The following CNTNAP2 variants were observed in gnomAD, a reference collection of about 807,000 sequenced individuals.
CNTNAP2 encodes the protein contactin-associated protein-like 2.
Under a neutral mutation model 155.2 loss-of-function variants are expected in CNTNAP2, and 98 were observed. The observed-to-expected ratio is 0.63, with a 90% CI of 0.54 to 0.75. CNTNAP2 has a LOEUF of 0.75. Among genes scored for constraint, CNTNAP2 ranks in the 30% least tolerant of loss-of-function variants. The pLI, the probability that CNTNAP2 is intolerant of heterozygous loss-of-function variation, is 0.00. For synonymous variants in CNTNAP2, 651 were observed against 631.2 expected (o/e 1.03, Z -0.47); for missense variants, 1,727 against 1,688.1 (o/e 1.02, Z -0.40).
chr7:146,517,715 T>A (rs1162515621), intron 1 of CNTNAP2, among the ~76,000 whole-genome samples: 2 of 151,838 alleles, frequency 1.3e-5, no homozygotes, highest in African/African-American at 4.8e-5. Context: ...TGGGCATTAA[T>A]GGAAGCAGAG....
intron 1 of CNTNAP2, among the ~76,000 whole-genome samples, chr7:146,133,305 C>G (rs1251508349): frequency 0.022 from 3,321 of 151,360 alleles, 107 homozygotes; most frequent in African/African-American, 0.074. Context: ...TGTAGATTCT[C>G]GATATTAGCC....
intron 12 of CNTNAP2, among the ~76,000 whole-genome samples, chr7:147,603,185 G>C (rs1336894010): frequency 6.6e-6 from 1 of 151,676 alleles, no homozygotes; most frequent in Non-Finnish European, 1.5e-5. Flanking sequence ...ATTCTAACTG[G>C]TGTGAGATGG....
intron 11 of CNTNAP2, among the ~76,000 whole-genome samples, chr7:147,508,136 G>A (rs757741): frequency 0.086 from 13,068 of 152,042 alleles, 960 homozygotes; most frequent in African/African-American, 0.2. Context: ...TAAATGTCCT[G>A]GTGGACAGTG....
Position 148,267,087 on chromosome 7 carries a change from T to C in CNTNAP2, c.3436T>C (p.Phe1146Leu), listed in dbSNP as rs372173607. The C allele has an allele frequency of 3.1e-6, 5 of 1,614,084 alleles. No homozygotes were observed. The African/African-American group carries it at 6.7e-5, about 22-fold the overall frequency. The change falls in exon 21 of 24, where the codon TTC (phenylalanine) becomes CTC (leucine). Residue 1146 changes from phenylalanine (F) to leucine (L), a missense_variant. Phe to Leu is a conservative substitution (Grantham distance 22). Coordinates refer to ENST00000361727, the MANE Select transcript of CNTNAP2 (RefSeq NM_014141.6). ...TCTGCCAAGTTCATCCGACACCCTC[T>C]TCAATTCTCCCAAGTCGCTCTTTCT... ...YHLPSSSDTL[F>L]NSPKSLFLGK...
chr7:146,895,477 G>A (rs947643626), intron 3 of CNTNAP2, among the ~76,000 whole-genome samples: 3 of 152,060 alleles, frequency 2.0e-5, no homozygotes, highest in African/African-American at 4.8e-5. Context: ...CTATATGTGT[G>A]TGAGTACAAT....
At chr7:148,158,815 A>T (rs1805456583) in intron 17 of CNTNAP2, among the ~76,000 whole-genome samples, 1 of 152,238 alleles carries the variant, frequency 6.6e-6, no homozygotes, top group African/African-American at 2.4e-5. Flanking sequence ...CAATATGGAA[A>T]AATGTTTTTC....
At chr7:146,350,930 CA>C (rs1262073311) in intron 1 of CNTNAP2, among the ~76,000 whole-genome samples, 1 of 148,616 alleles carries the variant, frequency 6.7e-6, no homozygotes, top group African/African-American at 2.5e-5. Flanking sequence ...ATCGCAAGGA[CA>C]AAAAACCAAA....
chr7:148,161,859 C>T (rs930374915), intron 17 of CNTNAP2, among the ~76,000 whole-genome samples: 5 of 152,214 alleles, frequency 3.3e-5, no homozygotes, highest in African/African-American at 1.2e-4. Flanking sequence ...GCCTCTCTGC[C>T]AACTCGCCTC....
chr7:147,306,239 A>T (rs1032634052), intron 9 of CNTNAP2, among the ~76,000 whole-genome samples: 1 of 152,192 alleles, frequency 6.6e-6, no homozygotes, highest in Admixed American at 6.5e-5. Flanking sequence ...AAGGAGATTC[A>T]TACTTCTAAT....
intron 3 of CNTNAP2, among the ~76,000 whole-genome samples, chr7:146,872,847 T>C (rs1795341629): frequency 6.6e-6 from 1 of 152,226 alleles, no homozygotes; most frequent in Non-Finnish European, 1.5e-5. Context: ...AATGGTTCAG[T>C]GTTATCTGTT....
intron 1 of CNTNAP2, among the ~76,000 whole-genome samples, chr7:146,751,277 T>G (rs917844900): frequency 3.0e-5 from 4 of 135,058 alleles, no homozygotes; most frequent in Non-Finnish European, 6.9e-5. Context: ...ACAAATTTAA[T>G]TAAAGTATTT....
chr7:147,821,933 G>A (rs565773187), intron 13 of CNTNAP2, among the ~76,000 whole-genome samples: 14 of 152,160 alleles, frequency 9.2e-5, no homozygotes, highest in African/African-American at 3.4e-4. Flanking sequence ...TTTATTGGGG[G>A]AAAAATAACA....
intron 1 of CNTNAP2, among the ~76,000 whole-genome samples, chr7:146,478,683 C>A (rs1329658752): frequency 6.6e-6 from 1 of 151,940 alleles, no homozygotes; most frequent in Non-Finnish European, 1.5e-5. Context: ...CCTCTACACA[C>A]ATGTACACAC....
intron 11 of CNTNAP2, among the ~76,000 whole-genome samples, chr7:147,499,046 A>G (rs1467234160): frequency 6.6e-6 from 1 of 152,144 alleles, no homozygotes; most frequent in Non-Finnish European, 1.5e-5. Flanking sequence ...CTGTGTTTTC[A>G]TTGTACTTTT....
chr7:146,259,440 C>A (rs2129081265), intron 1 of CNTNAP2, among the ~76,000 whole-genome samples: 1 of 152,206 alleles, frequency 6.6e-6, no homozygotes, highest in Non-Finnish European at 1.5e-5. Context: ...ATGGTGTTGA[C>A]CAAAATGCTA....
At chr7:147,404,139 A>G (rs1796963835) in intron 10 of CNTNAP2, among the ~76,000 whole-genome samples, 1 of 152,152 alleles carries the variant, frequency 6.6e-6, no homozygotes, top group Admixed American at 6.6e-5. Flanking sequence ...ATAATTATTG[A>G]TAAGAGGTAA....
chr7:146,183,798 T>TCCTC lies in CNTNAP2; in HGVS notation c.97+66828_97+66831dup, dbSNP rs1798584067. Among the ~76,000 whole-genome samples the TCCTC allele has an allele frequency of 7.2e-5, 11 of 152,130 alleles. No homozygotes were observed. In the South Asian group the frequency reaches 2.3e-3, roughly 32 times the overall value. On this transcript the variant is annotated intron_variant, in intron 1 of 23. Coordinates refer to ENST00000361727, the MANE Select transcript of CNTNAP2 (RefSeq NM_014141.6). ...GCCAACTCAGAACCCTTTATAATAC[T>TCCTC]CCTCCCACCTATAATTTTCTGTTTT...
intron 2 of CNTNAP2, among the ~76,000 whole-genome samples, chr7:146,788,083 C>T (rs753228661): frequency 1.3e-5 from 2 of 152,214 alleles, no homozygotes; most frequent in Non-Finnish European, 2.9e-5. Flanking sequence ...GCACTGGCCA[C>T]GGGACTTTGT....
At chr7:148,194,302 C>T (rs1795241596) in intron 18 of CNTNAP2, among the ~76,000 whole-genome samples, 1 of 152,068 alleles carries the variant, frequency 6.6e-6, no homozygotes, top group African/African-American at 2.4e-5. Context: ...TGGCCTCTTT[C>T]AAGTACCTTT....
Sources: gnomAD v4.1 joint callset for allele counts (sites outside exome capture counted in the v4.1 genomes callset) on GRCh38, gnomAD v4.1.1 for gene constraint, MANE v1.5 for transcripts, NCBI Gene and HGNC (gene_info 2026-07-23, HGNC 2026-07-21) for gene names.